Variants in OR52E4 observed in about 807,000 individuals in gnomAD.
OR52E4 encodes olfactory receptor family 52 subfamily E member 4.
For synonymous variants in OR52E4, 169 were observed against 137.4 expected (o/e 1.23, Z -1.61); for missense variants, 444 against 383.8 (o/e 1.16, Z -1.31).
intron 1 of OR52E4, 74 bp from the exon 2 acceptor site, chr11:5,884,145 T>C (rs1043943512): frequency 1.6e-6 from 1 of 625,276 alleles, no homozygotes; most frequent in Non-Finnish European, 2.9e-6. Flanking sequence ...AAGAAGTGAG[T>C]CTTGAATGTT....
chr11:5,884,190 C>CACTG, intron 1 of OR52E4, 29 bp from the exon 2 acceptor site: 1 of 795,926 alleles, frequency 1.3e-6, no homozygotes, highest in East Asian at 2.4e-5. Flanking sequence ...ACCTCTAGCA[C>CACTG]ACTGATAAGA....
rs899454842 is a variant in OR52E4, at chr11:5,885,881, A to G, written c.*650A>G. ...GTCTGTGAGGGTGTTGCCAAAAGAG[A>G]TTAACATTTGAGTCAGTGGGCTGGG... On this transcript the variant is annotated 3_prime_UTR_variant, in exon 2 of 2. Transcript: ENST00000641726. 7 of 152,052 alleles carry G rather than the reference A, an allele frequency of 4.6e-5. No individual in the cohort carries two copies. Among genetic ancestry groups the G allele is most frequent in the African/African-American group, 1.7e-4 (7 of 41,406 alleles). The allele number at this position is 152,052 out of a possible 1,614,324, so 9.4% of individuals were successfully genotyped here.
intron 1 of OR52E4, among the ~76,000 whole-genome samples, chr11:5,883,709 G>A (rs548167548): frequency 4.6e-5 from 7 of 151,842 alleles, no homozygotes; most frequent in Non-Finnish European, 1.0e-4. Context: ...TAAGATAATA[G>A]AGCTGAAATC....
intron 1 of OR52E4, among the ~76,000 whole-genome samples, chr11:5,881,593 ACTGTGACATAATTTGGACTTT>A (rs1434851152): frequency 2.0e-5 from 3 of 152,076 alleles, no homozygotes; most frequent in African/African-American, 7.2e-5. Flanking sequence ...CTTAGGCCAA[ACTGTGACATAATTTGGACTTT>A]TTACAATGAA....
In OR52E4 at chr11:5,885,683, TTCTCCAAAA is replaced by T. The variant is rs1447047509; in HGVS notation, c.*456_*464del. On this transcript the variant is annotated 3_prime_UTR_variant, in exon 2 of 2. Coordinates refer to ENST00000641726, the MANE Select transcript of OR52E4 (RefSeq NM_001005165.2). ...TACAGAATCCAAAATTTTGTTGTTCTTCTCCAAAATCTTTGACTCCCATGTTTATTTTAA... is the reference window on the plus strand; with the variant it reads ...TACAGAATCCAAAATTTTGTTGTTCTTCTTTGACTCCCATGTTTATTTTAA... 1 of 153,034 alleles carries T rather than the reference TTCTCCAAAA, an allele frequency of 6.5e-6. No individual in the cohort carries two copies. Among genetic ancestry groups the T allele is most frequent in the African/African-American group, 2.4e-5 (1 of 41,456 alleles). The allele number at this position is 153,034 out of a possible 1,614,324, so 9.5% of individuals were successfully genotyped here.
rs1846956900 is a variant in OR52E4, at chr11:5,881,034, C to A, written c.-75+320C>A. On this transcript the variant is annotated intron_variant, in intron 1 of 1. Coordinates refer to ENST00000641726, the MANE Select transcript of OR52E4 (RefSeq NM_001005165.2). ...GTTCACAGCCGAAACACCACAAATA[C>A]AGTCATATAGTAGCATGGCCATACT... is the stretch of plus-strand genomic sequence containing the variant. Among the ~76,000 whole-genome samples the A allele has an allele frequency of 2.6e-5, 4 of 152,040 alleles. No homozygotes were observed. The South Asian group carries it at 8.3e-4, about 32-fold the overall frequency.
At chr11:5,882,197 CAGAA>C (rs1257987913) in intron 1 of OR52E4, among the ~76,000 whole-genome samples, 6 of 152,020 alleles carry the variant, frequency 3.9e-5, no homozygotes, top group Admixed American at 1.3e-4. Flanking sequence ...ATAGTTATAA[CAGAA>C]AGAAGGCAAG....
Position 5,884,399 on chromosome 11 carries a change from T to A in OR52E4, c.107T>A (p.Val36Glu), listed in dbSNP as rs1361982685. 1.9e-6 allele frequency: 3 copies of A among 1,613,322 alleles called. No homozygotes were observed. The highest frequency in any genetic ancestry group is 3.3e-5 in the Admixed American group (2 of 59,932). ...TGGATTTCTTTCCCATTCTGTATTG[T>A]GTACCTGATTGCCATTGTGGGGAAT... ...HIWISFPFCI[V>E]YLIAIVGNMT... The change falls in exon 2 of 2, where the codon GTG becomes GAG. Residue 36 changes from valine to glutamate, a missense_variant. By Grantham distance (121) the Val-to-Glu change is moderately radical. Transcript: ENST00000641726.
At position 5,885,123 on chromosome 11, in the gene OR52E4, G is replaced by C. The variant is rs1030881423; in HGVS notation, c.831G>C (p.Leu277Phe). 15 of 1,613,046 alleles carry C rather than the reference G, an allele frequency of 9.3e-6. No individual in the cohort carries two copies. The highest frequency in any genetic ancestry group is 8.5e-7 in the Non-Finnish European group (1 of 1,179,638). ...TTCCCCACTATATCCATATTCTTTTGGCTAACCTGTATGTGGTTGTCCCAC... is the reference window on the plus strand; with the variant it reads ...TTCCCCACTATATCCATATTCTTTTCGCTAACCTGTATGTGGTTGTCCCAC... ...QNIPHYIHILLANLYVVVPPA... is the reference protein window; with the variant it reads ...QNIPHYIHILFANLYVVVPPA... The change falls in exon 2 of 2, where the codon TTG (leucine) becomes TTC (phenylalanine). Residue 277 changes from leucine to phenylalanine, a missense_variant. Physicochemically the swap from Leu to Phe is conservative, Grantham distance 22. Transcript: ENST00000641726.
intron 1 of OR52E4, among the ~76,000 whole-genome samples, chr11:5,883,963 G>C (rs1452988455): frequency 2.0e-5 from 3 of 152,010 alleles, no homozygotes; most frequent in Admixed American, 1.3e-4. Flanking sequence ...GGGCTACTTA[G>C]GAAAGTAATG....
At position 5,885,232 on chromosome 11, in the gene OR52E4, T is replaced by C. The variant is rs750818150; in HGVS notation, c.*1T>C. ...GAAAATATTTGTACAGAAAGAATAA[T>C]TCTGTATTAAAGTTTGGATAAATAT... On this transcript the variant is annotated 3_prime_UTR_variant, in exon 2 of 2. Transcript: ENST00000641726. The C allele has an allele frequency of 1.3e-6, 2 of 1,568,984 alleles. No individual in the cohort carries two copies. Among genetic ancestry groups the C allele is most frequent in the Admixed American group, 1.9e-5 (1 of 53,966 alleles).
intron 1 of OR52E4, among the ~76,000 whole-genome samples, chr11:5,883,724 A>G (rs568068719): frequency 6.6e-6 from 1 of 152,050 alleles, no homozygotes; most frequent in Non-Finnish European, 1.5e-5. Flanking sequence ...GAAATCTCAC[A>G]ACATCATTTA....
In OR52E4 at chr11:5,884,478, C is replaced by G. The variant is rs767931239; in HGVS notation, c.186C>G (p.Phe62Leu). The G allele has an allele frequency of 5.6e-6, 9 of 1,613,436 alleles. No individual in the cohort carries two copies. The Admixed American group carries it at 1.5e-4, about 27-fold the overall frequency. Residue 62 changes from phenylalanine to leucine, a missense_variant, in exon 2 of 2, where the codon TTC (phenylalanine) becomes TTG (leucine). Physicochemically the swap from Phe to Leu is conservative, Grantham distance 22 (BLOSUM62 0). Coordinates refer to ENST00000641726, the MANE Select transcript of OR52E4 (RefSeq NM_001005165.2). ...KTEHSLHQPM[F>L]YFLAMLSMID... Reference sequence around the variant, plus strand: ...AACATAGTCTACACCAGCCCATGTTCTACTTCCTGGCCATGTTGTCTATGA... The same window carrying G: ...AACATAGTCTACACCAGCCCATGTTGTACTTCCTGGCCATGTTGTCTATGA...
chr11:5,884,420 G>T lies in OR52E4; in HGVS notation c.128G>T (p.Gly43Val). The T allele has an allele frequency of 6.2e-7, 1 of 1,613,294 alleles. No homozygotes were observed. Among genetic ancestry groups the T allele is most frequent in the Non-Finnish European group, 8.5e-7 (1 of 1,179,526 alleles). Residue 43 changes from glycine (G) to valine (V), a missense_variant, in exon 2 of 2, where the codon GGG becomes GTG. Physicochemically the swap from Gly to Val is moderately radical, Grantham distance 109 (BLOSUM62 -3). Transcript: ENST00000641726. ...ATTGTGTACCTGATTGCCATTGTGG[G>T]GAATATGACCATTCTCTTTGTGATC... ...FCIVYLIAIVGNMTILFVIKT... is the reference protein window; with the variant it reads ...FCIVYLIAIVVNMTILFVIKT...
In OR52E4 at chr11:5,884,874, T is replaced by G. The variant is rs778851959; in HGVS notation, c.582T>G (p.Ile194Met). 14 of 1,613,172 alleles carry G rather than the reference T, an allele frequency of 8.7e-6. No homozygotes were observed. In the South Asian group the frequency reaches 1.5e-4, roughly 18 times the overall value. The change falls in exon 2 of 2, where the codon ATT (isoleucine) becomes ATG (methionine). Residue 194 changes from isoleucine (I) to methionine (M), a missense_variant. Transcript: ENST00000641726. ...TGGCCGGGTTGGCCTGTGCACCCAT[T>G]AAGATCAACATAATCTATGGGCTCA... ...RGLAGLACAP[I>M]KINIIYGLMV...
In OR52E4 at chr11:5,884,982, C is replaced by A. The variant is rs778023620; in HGVS notation, c.690C>A (p.Pro230=). The A allele has an allele frequency of 8.1e-6, 13 of 1,612,772 alleles. No homozygotes were observed. Among genetic ancestry groups the A allele is most frequent in the Middle Eastern group, 1.6e-4 (1 of 6,070 alleles). ...TCCTTAGAGCTGTTTTTCGCCTTCC[C>A]TCTCAAGATGTCCGACTAAAGGCCT... The part of the protein sequence containing the change: ...VLILRAVFRL[P]SQDVRLKAFN... The change falls in exon 2 of 2, where the codon CCC becomes CCA. Residue 230 remains proline (P), a synonymous_variant. Transcript: ENST00000641726.
At chr11:5,880,955 CCTCT>C (rs991871155) in intron 1 of OR52E4, among the ~76,000 whole-genome samples, 1 of 151,906 alleles carries the variant, frequency 6.6e-6, no homozygotes, top group Non-Finnish European at 1.5e-5. Context: ...TCTCTCTGCC[CCTCT>C]CTCTTACACA....
intron 1 of OR52E4, among the ~76,000 whole-genome samples, chr11:5,884,002 T>C (rs1020993054): frequency 3.3e-5 from 5 of 152,098 alleles, no homozygotes; most frequent in Non-Finnish European, 5.9e-5. Flanking sequence ...TAAATATGCA[T>C]TGCATTATGA....
Position 5,886,748 on chromosome 11 carries a change from C to G in OR52E4, c.*1517C>G, listed in dbSNP as rs1220498423. ...TCCCTCATGTTCTATAATTTAGAACCACTGTGTAGTTTGTATGACAATATA... is the reference window on the plus strand; with the variant it reads ...TCCCTCATGTTCTATAATTTAGAACGACTGTGTAGTTTGTATGACAATATA... On this transcript the variant is annotated 3_prime_UTR_variant, in exon 2 of 2. Coordinates refer to ENST00000641726, the MANE Select transcript of OR52E4 (RefSeq NM_001005165.2). The G allele has an allele frequency of 1.3e-5, 2 of 151,938 alleles. No individual in the cohort carries two copies. The highest frequency in any genetic ancestry group is 4.8e-5 in the African/African-American group (2 of 41,382). 9.4% of individuals were successfully genotyped at this position (151,938 alleles called of 1,614,324 possible).
Sources: allele counts gnomAD v4.1 joint callset (sites outside exome capture counted in the v4.1 genomes callset), GRCh38; gene constraint gnomAD v4.1.1; transcripts MANE v1.5; gene names NCBI Gene and HGNC (gene_info 2026-07-23, HGNC 2026-07-21).